The following MKLN1 variants were observed in gnomAD, a reference collection of about 807,000 sequenced individuals.
MKLN1 encodes muskelin 1.
A neutral mutation model predicts 99.0 loss-of-function variants in MKLN1; 18 were observed. The observed-to-expected ratio is 0.18, with a 90% CI of 0.13 to 0.27. MKLN1 has a LOEUF of 0.27. Among genes scored for constraint, MKLN1 ranks in the 10% least tolerant of loss-of-function variants. The probability of loss-of-function intolerance (pLI) is 1.00; values close to 1 mark genes in which losing one functional copy is unlikely to be tolerated. For synonymous variants in MKLN1, 288 were observed against 293.2 expected, an observed-to-expected ratio of 0.98 and a Z score of 0.18; for missense variants, 621 against 875.9, an observed-to-expected ratio of 0.71 and a Z score of 3.67.
chr7:131,470,214 A>G (rs1313029610), intron 15 of MKLN1, among the ~76,000 whole-genome samples: 1 of 152,184 alleles, frequency 6.6e-6, no homozygotes, highest in African/African-American at 2.4e-5. Context: ...GATCATCATC[A>G]TTGCATTATT....
At chr7:131,225,404 G>A (rs906935609) in intron 3 of MKLN1, among the ~76,000 whole-genome samples, 2 of 152,138 alleles carry the variant, frequency 1.3e-5, no homozygotes, top group Non-Finnish European at 2.9e-5. Flanking sequence ...TGACTTTGGG[G>A]GTTAGATTTT....
At chr7:131,141,434 T>C (rs1033946196) in intron 1 of MKLN1, among the ~76,000 whole-genome samples, 5 of 152,182 alleles carry the variant, frequency 3.3e-5, no homozygotes, top group African/African-American at 1.2e-4. Context: ...TTTGCCCTCT[T>C]CAAAACTCCA....
chr7:131,218,397 C>T (rs1212285820), intron 3 of MKLN1, among the ~76,000 whole-genome samples: 2 of 152,082 alleles, frequency 1.3e-5, no homozygotes, highest in Admixed American at 6.6e-5. Flanking sequence ...TGTGGACTTA[C>T]GTTAGTTATA....
chr7:131,311,724 C>G (rs1405989452), intron 3 of MKLN1, among the ~76,000 whole-genome samples: 4 of 151,986 alleles, frequency 2.6e-5, no homozygotes, highest in African/African-American at 4.8e-5. Context: ...TCAAAGATTG[C>G]AAAAAGCAAA....
intron 3 of MKLN1, among the ~76,000 whole-genome samples, chr7:131,250,521 G>A (rs1300074263): frequency 6.6e-6 from 1 of 152,172 alleles, no homozygotes; most frequent in Non-Finnish European, 1.5e-5. Context: ...CTGACAAGCT[G>A]TTTCCATGGA....
intron 3 of MKLN1, among the ~76,000 whole-genome samples, chr7:131,266,261 G>C (rs548610269): frequency 3.9e-4 from 59 of 151,948 alleles, no homozygotes; most frequent in African/African-American, 1.4e-3. Flanking sequence ...ATGGTAGAGA[G>C]GTGAGGCTGT....
intron 2 of MKLN1, among the ~76,000 whole-genome samples, chr7:131,156,172 T>C (rs994702278): frequency 1.3e-5 from 2 of 152,154 alleles, no homozygotes; most frequent in African/African-American, 4.8e-5. Flanking sequence ...AATGCAATTA[T>C]TTTTGCATCA....
intron 3 of MKLN1, among the ~76,000 whole-genome samples, chr7:131,250,919 A>G (rs1797567934): frequency 6.6e-6 from 1 of 151,612 alleles, no homozygotes; most frequent in Admixed American, 6.6e-5. Context: ...AGAAACAGGT[A>G]TAGATATGGG....
chr7:131,494,924 TAC>T lies in MKLN1; in HGVS notation c.*7200_*7201del, dbSNP rs1388858040. 1 of 141,530 alleles carries T rather than the reference TAC, an allele frequency of 7.1e-6. No homozygotes were observed. The highest frequency in any genetic ancestry group is 1.6e-5 in the Non-Finnish European group (1 of 61,198). The allele number at this position is 141,530 out of a possible 1,614,324, so 8.8% of individuals were successfully genotyped here. On this transcript the variant is annotated 3_prime_UTR_variant, in exon 18 of 18. Transcript: ENST00000352689. Reference sequence around the variant, plus strand: ...TACATACTTTATAAATATACATACATACACATACACATACATTTTTAAAATGC... The same window carrying T: ...TACATACTTTATAAATATACATACATACATACACATACATTTTTAAAATGC...
chr7:131,386,329 G>A (rs1238105936), intron 2 of MKLN1, among the ~76,000 whole-genome samples: 1 of 152,078 alleles, frequency 6.6e-6, no homozygotes, highest in Non-Finnish European at 1.5e-5. Context: ...CAGTCCTAAA[G>A]GATTGATGTT....
At chr7:131,243,051 T>G (rs1797430422) in intron 3 of MKLN1, 6 of 529,298 alleles carry the variant, frequency 1.1e-5, no homozygotes, top group Non-Finnish European at 2.1e-5. Context: ...AAAAGGAAAG[T>G]TCACAGATGG....
In MKLN1 at chr7:131,234,893, G is replaced by A. The variant is rs1026387911; in HGVS notation, c.-179+31919G>A. On this transcript the variant is annotated intron_variant, in intron 3 of 7. Transcript: ENST00000416992. ...TAAATAAAGCTAACCTACATTTGCT[G>A]TCTAATTCATTCGGATGCTTGCTGA... is the stretch of plus-strand genomic sequence containing the variant. Among the ~76,000 whole-genome samples the A allele has an allele frequency of 1.6e-4, 25 of 152,114 alleles. 1 individual carries two copies.
chr7:131,400,326 A>G (rs1421846208), intron 6 of MKLN1, among the ~76,000 whole-genome samples: 1 of 151,840 alleles, frequency 6.6e-6, no homozygotes, highest in Admixed American at 6.6e-5. Context: ...CTTAAAATGA[A>G]TTGCTTTGAG....
intron 1 of MKLN1, among the ~76,000 whole-genome samples, chr7:131,111,666 ACAT>A (rs1437778504): frequency 2.6e-5 from 4 of 152,198 alleles, no homozygotes; most frequent in Admixed American, 2.0e-4. Flanking sequence ...GAAAAAAAAA[ACAT>A]CATCTTGATT....
chr7:131,404,489 A>G (rs1366473724), intron 6 of MKLN1, among the ~76,000 whole-genome samples: 1 of 151,974 alleles, frequency 6.6e-6, no homozygotes, highest in African/African-American at 2.4e-5. Context: ...TAATTTTTAA[A>G]AATGTGGAGA....
intron 3 of MKLN1, among the ~76,000 whole-genome samples, chr7:131,224,326 C>T (rs1321495237): frequency 1.4e-5 from 1 of 71,302 alleles, no homozygotes; most frequent in Admixed American, 1.6e-4. Flanking sequence ...TGGGCAGATC[C>T]CCTTAGGTCA....
intron 1 of MKLN1, among the ~76,000 whole-genome samples, chr7:131,334,636 A>G (rs939618876): frequency 6.6e-6 from 1 of 152,312 alleles, no homozygotes; most frequent in African/African-American, 2.4e-5. Context: ...GTTAACTTTT[A>G]GGTAAATATT....
chr7:131,404,353 CTCTT>C (rs1794638872), intron 6 of MKLN1, among the ~76,000 whole-genome samples: 1 of 152,134 alleles, frequency 6.6e-6, no homozygotes, highest in Admixed American at 6.5e-5. Flanking sequence ...GGCAGGGTCT[CTCTT>C]TGTCACCCAG....
At chr7:131,441,027 C>A (rs1795824523) in intron 10 of MKLN1, among the ~76,000 whole-genome samples, 1 of 152,142 alleles carries the variant, frequency 6.6e-6, no homozygotes, top group Admixed American at 6.5e-5. Context: ...GATAATAGAG[C>A]AACATCTAGA....
Sources: allele counts gnomAD v4.1 joint callset (sites outside exome capture counted in the v4.1 genomes callset), GRCh38; gene constraint gnomAD v4.1.1; transcripts MANE v1.5; gene names NCBI Gene and HGNC (gene_info 2026-07-23, HGNC 2026-07-21).